Variants in MORC1 observed in about 807,000 individuals in gnomAD.
MORC1 encodes the protein MORC family CW-type zinc finger protein 1.
In MORC1, 59 loss-of-function variants were observed where a neutral mutation model predicts 134.9. That is an observed-to-expected ratio of 0.44 (90% CI 0.35 to 0.54). The LOEUF (loss-of-function observed/expected upper bound fraction) is 0.54. MORC1 is among the 20% of genes least tolerant of loss of function. MORC1 has a pLI of 0.00. For missense variants in MORC1, 947 were observed against 1,134.5 expected (o/e 0.83, Z 2.37); for synonymous variants, 395 against 391.7 (o/e 1.01, Z -0.10).
At chr3:109,094,793 T>A (rs975268407) in intron 7 of MORC1, 116 bp downstream of exon 7, 54 of 965,626 alleles carry the variant, frequency 5.6e-5, no homozygotes, top group Non-Finnish European at 7.8e-5. Context: ...CTGTCCCCAG[T>A]GTGAATCCAC....
At chr3:109,072,404 C>T (rs1317016356) in intron 8 of MORC1, among the ~76,000 whole-genome samples, 3 of 152,166 alleles carry the variant, frequency 2.0e-5, no homozygotes. Flanking sequence ...AGATGAAGTG[C>T]TCTCCTTTGT....
At chr3:109,041,939 A>C (rs997755223) in intron 14 of MORC1, among the ~76,000 whole-genome samples, 1 of 150,984 alleles carries the variant, frequency 6.6e-6, no homozygotes, top group Non-Finnish European at 1.5e-5. Flanking sequence ...GTGAGACTCC[A>C]TCTCAAAAAA....
chr3:109,003,372 T>C (rs1180743569), intron 20 of MORC1, among the ~76,000 whole-genome samples: 3 of 141,678 alleles, frequency 2.1e-5, no homozygotes, highest in Non-Finnish European at 4.5e-5. Context: ...TCACATAGCT[T>C]TACATATTAT....
At chr3:108,973,322 C>CCAAG (rs1947444379) in intron 24 of MORC1, among the ~76,000 whole-genome samples, 1 of 152,076 alleles carries the variant, frequency 6.6e-6, no homozygotes, top group African/African-American at 2.4e-5. Flanking sequence ...TATTCCAATA[C>CCAAG]CATGTGATAA....
intron 24 of MORC1, among the ~76,000 whole-genome samples, chr3:108,979,232 G>A (rs1028104073): frequency 7.9e-5 from 12 of 151,920 alleles, no homozygotes; most frequent in Admixed American, 7.9e-4. Flanking sequence ...CCTTTGTTGG[G>A]GAAAAAAGAA....
intron 24 of MORC1, among the ~76,000 whole-genome samples, chr3:108,978,611 G>A (rs548425036): frequency 6.6e-6 from 1 of 152,288 alleles, no homozygotes; most frequent in African/African-American, 2.4e-5. Context: ...CACAGCCTGG[G>A]CCTTAGTAGA....
At chr3:108,976,065 G>C (rs1947544658) in intron 24 of MORC1, among the ~76,000 whole-genome samples, 1 of 152,086 alleles carries the variant, frequency 6.6e-6, no homozygotes, top group African/African-American at 2.4e-5. Flanking sequence ...CTTTATTTGG[G>C]AAGTCAACAA....
intron 11 of MORC1, among the ~76,000 whole-genome samples, chr3:109,061,493 G>A (rs1162430969): frequency 2.0e-5 from 3 of 152,162 alleles, no homozygotes; most frequent in African/African-American, 7.2e-5. Flanking sequence ...TTGTAAGCTG[G>A]AAGCATTCTT....
chr3:108,998,896 T>C (rs1049844247), intron 21 of MORC1, among the ~76,000 whole-genome samples: 9 of 152,038 alleles, frequency 5.9e-5, no homozygotes, highest in Admixed American at 5.9e-4. Flanking sequence ...AAAAAGACAA[T>C]ATTTTAAATA....
At chr3:109,107,204 C>T (rs1423211601) in intron 3 of MORC1, among the ~76,000 whole-genome samples, 3 of 152,100 alleles carry the variant, frequency 2.0e-5, no homozygotes, top group Non-Finnish European at 1.5e-5. Flanking sequence ...GAAGCCTTTC[C>T]TAATCCTTCC....
Position 109,045,675 on chromosome 3 carries a change from A to G in MORC1, c.1330+9053T>C, listed in dbSNP as rs114418013. ...TATATTCAGTGGTGGTGAAGATGCT[A>G]CAGTCCTTCTTCCCTTTCTCTTGGC... On this transcript the variant is annotated intron_variant, in intron 14 of 27. Transcript: ENST00000232603. Among the ~76,000 whole-genome samples, 775 of 152,316 alleles carry G rather than the reference A, an allele frequency of 5.1e-3. 18 individuals are homozygous for G. The highest frequency in any genetic ancestry group is 0.018 in the African/African-American group (744 of 41,554).
At chr3:109,024,337 G>C (rs1441928707) in intron 17 of MORC1, among the ~76,000 whole-genome samples, 2 of 152,030 alleles carry the variant, frequency 1.3e-5, no homozygotes, top group Non-Finnish European at 2.9e-5. Flanking sequence ...TTTCCTCTTT[G>C]TTAAAATAGA....
At chr3:108,979,273 T>C (rs1329997269) in intron 24 of MORC1, among the ~76,000 whole-genome samples, 1 of 152,166 alleles carries the variant, frequency 6.6e-6, no homozygotes, top group African/African-American at 2.4e-5. Context: ...TTTATTACAT[T>C]CAAGAGAAGA....
chr3:109,047,672 A>G (rs1196883329), intron 14 of MORC1, among the ~76,000 whole-genome samples: 1 of 152,108 alleles, frequency 6.6e-6, no homozygotes, highest in Admixed American at 6.5e-5. Context: ...AATTAGGCAA[A>G]ATGTCTATAT....
At chr3:109,038,321 G>T (rs1253972229) in intron 14 of MORC1, among the ~76,000 whole-genome samples, 3 of 145,704 alleles carry the variant, frequency 2.1e-5, no homozygotes, top group African/African-American at 7.5e-5. Flanking sequence ...TAAATTCTTT[G>T]TAGATTCTGA....
intron 21 of MORC1, among the ~76,000 whole-genome samples, chr3:108,992,569 T>C (rs1256992647): frequency 6.6e-6 from 1 of 152,136 alleles, no homozygotes; most frequent in African/African-American, 2.4e-5. Context: ...AAAACGTGAC[T>C]CCATCTCCCA....
chr3:108,963,489 A>C lies in MORC1; in HGVS notation c.2724T>G (p.Asn908Lys). The C allele has an allele frequency of 6.2e-7, 1 of 1,612,472 alleles. No homozygotes were observed. The highest frequency in any genetic ancestry group is 8.5e-7 in the Non-Finnish European group (1 of 1,179,594). ...GCTTATCCTCAGAGATTTTTCTTTT[A>C]TTTTCACATTGCCCCAGAGAGATTT... ...HNEISLGQCE[N>K]KRKISEDKLK... is the part of the protein sequence containing the mutation. Residue 908 changes from asparagine (N) to lysine (K), a missense_variant, in exon 27 of 28, where the codon AAT becomes AAG. Asn to Lys is a moderately conservative substitution (Grantham distance 94). Around this residue, in one of 3 missense-constraint regions of MORC1, gnomAD observed 722 missense variants for 817.0 expected, o/e 0.88. Coordinates refer to ENST00000232603, the MANE Select transcript of MORC1 (RefSeq NM_014429.4).
chr3:109,023,818 A>C (rs66851239), intron 17 of MORC1, among the ~76,000 whole-genome samples: 15,415 of 152,262 alleles, frequency 0.1, 966 homozygotes, highest in Non-Finnish European at 0.14. Flanking sequence ...ACAACTGAGC[A>C]ATCCAGTGAA....
intron 17 of MORC1, among the ~76,000 whole-genome samples, chr3:109,011,771 T>A (rs1265930075): frequency 6.6e-6 from 1 of 152,192 alleles, no homozygotes; most frequent in Non-Finnish European, 1.5e-5. Context: ...TCCGCCCACC[T>A]TGGCCTCCCA....
Sources: gnomAD v4.1 joint callset for allele counts (sites outside exome capture counted in the v4.1 genomes callset) on GRCh38, gnomAD v4.1.1 for gene constraint, gnomAD v4.1.1 regional missense constraint, MANE v1.5 for transcripts, NCBI Gene and HGNC (gene_info 2026-07-23, HGNC 2026-07-21) for gene names.